The following TTYH3 variants were observed in gnomAD, a reference collection of about 807,000 sequenced individuals.
The protein encoded by TTYH3 is tweety family member 3, also known as protein tweety homolog 3.
A neutral mutation model predicts 68.2 loss-of-function variants in TTYH3; 23 were observed. The observed-to-expected ratio is 0.34, with a 90% CI of 0.24 to 0.48. The LOEUF is 0.48. TTYH3 is among the 20% of genes least tolerant of loss of function. TTYH3 has a pLI of 0.99. For missense variants in TTYH3, 768 were observed against 727.7 expected (o/e 1.06, Z -0.64); for synonymous variants, 360 against 332.8 (o/e 1.08, Z -0.89).
intron 1 of TTYH3, among the ~76,000 whole-genome samples, chr7:2,643,566 C>T (rs891742150): frequency 6.6e-6 from 1 of 152,212 alleles, no homozygotes; most frequent in African/African-American, 2.4e-5. Flanking sequence ...ATGGGCGTCC[C>T]CTGCCCACTG....
chr7:2,651,458 TCAG>T (rs2114990723), intron 7 of TTYH3, among the ~76,000 whole-genome samples: 1 of 152,300 alleles, frequency 6.6e-6, no homozygotes, highest in African/African-American at 2.4e-5. Context: ...TGGTGACCGC[TCAG>T]TGCTACCCAC....
chr7:2,647,131 G>T lies in TTYH3; in HGVS notation c.294-11G>T, dbSNP rs765303506. ...GGGCGGGGCTACATCTCACGGGCCC[G>T]CCCTCTCCAGCGCCGGCATCGCAGT... On this transcript the variant is annotated splice_polypyrimidine_tract_variant and intron_variant, in intron 2 of 13. Transcript: ENST00000258796. 1 of 1,591,786 alleles carries T rather than the reference G, an allele frequency of 6.3e-7. No homozygotes were observed.
intron 1 of TTYH3, among the ~76,000 whole-genome samples, chr7:2,646,414 G>A (rs759376644): frequency 6.6e-5 from 10 of 152,198 alleles, no homozygotes; most frequent in Non-Finnish European, 1.3e-4. Context: ...CACCAGCAGC[G>A]TCCTCGTTTG....
chr7:2,647,586 G>C lies in TTYH3; in HGVS notation c.574G>C (p.Ala192Pro). The stretch of plus-strand genomic sequence containing the variant: ...CGCCATCCCCTTTTGGAGGAACACG[G>C]CGGTGTCGCTGGAGGTGCTGGCGGA... ...TAAIPFWRNT[A>P]VSLEVLAEQV... The change falls in exon 4 of 14, where the codon GCG becomes CCG. Residue 192 changes from alanine (A) to proline (P), a missense_variant. By Grantham distance (27) the Ala-to-Pro change is conservative (BLOSUM62 -1). Coordinates refer to ENST00000258796, the MANE Select transcript of TTYH3 (RefSeq NM_025250.3). 6.4e-7 allele frequency: 1 copy of C among 1,574,048 alleles called. No individual in the cohort carries two copies. The highest frequency in any genetic ancestry group is 1.8e-5 in the Admixed American group (1 of 54,310).
At chr7:2,657,371 G>GTGGTGA (rs1786365129) in intron 11 of TTYH3, among the ~76,000 whole-genome samples, 1 of 150,724 alleles carries the variant, frequency 6.6e-6, no homozygotes. Flanking sequence ...GGTGATGGTG[G>GTGGTGA]TGGTGATGGT....
chr7:2,643,904 G>A (rs1785916900), intron 1 of TTYH3, among the ~76,000 whole-genome samples: 2 of 152,188 alleles, frequency 1.3e-5, no homozygotes, highest in South Asian at 4.1e-4. Context: ...CTGCGAGGCT[G>A]TGAGTCCCAG....
At chr7:2,652,095 C>T in intron 7 of TTYH3, 92 bp from the exon 8 acceptor site, 2 of 1,090,058 alleles carry the variant, frequency 1.8e-6, no homozygotes, top group Non-Finnish European at 2.8e-6. Context: ...ACGCAGATGC[C>T]CTGAAGATAT....
chr7:2,640,378 T>C (rs1210242200), intron 1 of TTYH3, among the ~76,000 whole-genome samples: 2 of 151,178 alleles, frequency 1.3e-5, no homozygotes, highest in East Asian at 3.9e-4. Flanking sequence ...GGCGTGTGCA[T>C]GTAGAGCAGC....
At chr7:2,641,619 G>T (rs1329924691) in intron 1 of TTYH3, among the ~76,000 whole-genome samples, 1 of 152,258 alleles carries the variant, frequency 6.6e-6, no homozygotes, top group Non-Finnish European at 1.5e-5. Flanking sequence ...GAGCCCAGCT[G>T]CTGATCAGAC....
intron 9 of TTYH3, among the ~76,000 whole-genome samples, chr7:2,654,037 C>A (rs1786265377): frequency 6.6e-6 from 1 of 152,134 alleles, no homozygotes; most frequent in Non-Finnish European, 1.5e-5. Context: ...GTCTCAGACT[C>A]CATTTGGGAG....
intron 9 of TTYH3, among the ~76,000 whole-genome samples, chr7:2,655,361 G>A (rs1036442942): frequency 2.0e-5 from 3 of 152,214 alleles, no homozygotes; most frequent in Non-Finnish European, 4.4e-5. Flanking sequence ...GCCCAGGCTG[G>A]TCTCCAACTC....
chr7:2,639,831 G>T (rs1162682551), intron 1 of TTYH3, among the ~76,000 whole-genome samples: 1 of 152,196 alleles, frequency 6.6e-6, no homozygotes, highest in Non-Finnish European at 1.5e-5. Flanking sequence ...TGGCACGAGG[G>T]GCGGGGCAGG....
rs1361753123 is a variant in TTYH3, at chr7:2,647,228, G to A, written c.380G>A (p.Arg127His). 3 of 1,597,696 alleles carry A rather than the reference G, an allele frequency of 1.9e-6. No individual in the cohort carries two copies. Among genetic ancestry groups the A allele is most frequent in the African/African-American group, 2.7e-5 (2 of 74,920 alleles). Reference protein sequence around the residue: ...RATYSLRHANRTVAGVQDRVW... With the variant: ...RATYSLRHANHTVAGVQDRVW... The stretch of plus-strand genomic sequence containing the variant: ...ACCTACTCGCTCCGCCACGCCAACC[G>A]CACGGTGGCCGGGGTCCAGGACCGC... Residue 127 changes from arginine (R) to histidine (H), a missense_variant, in exon 3 of 14, where the codon CGC becomes CAC. Arg to His is a conservative substitution (Grantham distance 29, BLOSUM62 0). Coordinates refer to ENST00000258796, the MANE Select transcript of TTYH3 (RefSeq NM_025250.3).
intron 11 of TTYH3, among the ~76,000 whole-genome samples, chr7:2,657,418 GGTGAT>G (rs1786368732): frequency 2.2e-5 from 1 of 45,680 alleles, no homozygotes; most frequent in African/African-American, 7.0e-4. Context: ...TTGTGGTGGT[GGTGAT>G]GGTGATGGTG....
intron 4 of TTYH3, 123 bp downstream of exon 4, chr7:2,647,761 G>A: frequency 1.7e-6 from 2 of 1,162,148 alleles, no homozygotes; most frequent in Admixed American, 4.4e-5. Context: ...CAGGGCCACT[G>A]GAGGTCACAG....
intron 1 of TTYH3, among the ~76,000 whole-genome samples, chr7:2,638,847 C>T (rs992566657): frequency 2.0e-5 from 3 of 152,168 alleles, no homozygotes; most frequent in Non-Finnish European, 2.9e-5. Flanking sequence ...TGACCCTGGA[C>T]CCCCCACTTG....
rs1287669611 is a variant in TTYH3 at position 2,649,607 on chromosome 7, G to A, written c.763G>A (p.Gly255Ser). ...AGTCCTGGCCCTGGTCATCAGCTGG[G>A]GCGCGCTGGGCTTGGAGCTGGCTGT... The part of the protein sequence containing the change: ...LGVLALVISW[G>S]ALGLELAVSV... The change falls in exon 6 of 14, where the codon GGC becomes AGC. Residue 255 changes from glycine (G) to serine (S), a missense_variant. By Grantham distance (56) the Gly-to-Ser change is moderately conservative. Transcript: ENST00000258796. The A allele has an allele frequency of 6.3e-7, 1 of 1,598,844 alleles. No individual in the cohort carries two copies. Among genetic ancestry groups the A allele is most frequent in the Middle Eastern group, 1.7e-4 (1 of 6,034 alleles).
chr7:2,637,725 T>G (rs1230569157), intron 1 of TTYH3, among the ~76,000 whole-genome samples: 3 of 151,964 alleles, frequency 2.0e-5, no homozygotes, highest in Admixed American at 2.0e-4. Context: ...GGATGGTGGG[T>G]GTGGGAGGGT....
chr7:2,661,067 C>T (rs1259597981), intron 13 of TTYH3, among the ~76,000 whole-genome samples: 1 of 7,950 alleles, frequency 1.3e-4, no homozygotes, highest in Non-Finnish European at 2.4e-4. Context: ...CAGTTGGGTC[C>T]CCCACGGGAG....
Sources: allele counts gnomAD v4.1 joint callset (sites outside exome capture counted in the v4.1 genomes callset), GRCh38; gene constraint gnomAD v4.1.1; transcripts MANE v1.5; gene names NCBI Gene and HGNC (gene_info 2026-07-23, HGNC 2026-07-21).